ATG7: variants seen among roughly 807,000 people sequenced by gnomAD.
ATG7 encodes the protein autophagy related 7.
A neutral mutation model predicts 82.4 loss-of-function variants in ATG7; 70 were observed. That is an observed-to-expected ratio of 0.85 (90% CI 0.70 to 1.04). ATG7 has a LOEUF of 1.04. Ranked by LOEUF, ATG7 falls within the 50% of genes least tolerant of loss-of-function variation. ATG7 has a pLI of 0.00. For synonymous variants in ATG7, 287 were observed against 313.0 expected, an observed-to-expected ratio of 0.92 and a Z score of 0.88; for missense variants, 792 against 864.3, an observed-to-expected ratio of 0.92 and a Z score of 1.05.
chr3:11,483,109 A>G (rs1207431873), intron 20 of ATG7, among the ~76,000 whole-genome samples: 3 of 152,178 alleles, frequency 2.0e-5, no homozygotes, highest in Non-Finnish European at 4.4e-5. Flanking sequence ...GGCAAAAAGA[A>G]ACCAAAGTAG....
intron 19 of ATG7, among the ~76,000 whole-genome samples, chr3:11,382,972 G>A (rs1415554175): frequency 6.6e-6 from 1 of 152,076 alleles, no homozygotes; most frequent in Admixed American, 6.5e-5. Flanking sequence ...AATTTTGAGA[G>A]TAAGTTGGAG....
chr3:11,533,500 C>A (rs2092730494), intron 20 of ATG7, among the ~76,000 whole-genome samples: 1 of 146,702 alleles, frequency 6.8e-6, no homozygotes, highest in African/African-American at 2.5e-5. Flanking sequence ...TTGTCTTCTC[C>A]AGGTAGTTTG....
intron 20 of ATG7, among the ~76,000 whole-genome samples, chr3:11,480,008 A>C (rs971015979): frequency 6.6e-6 from 1 of 151,928 alleles, no homozygotes; most frequent in Non-Finnish European, 1.5e-5. Context: ...GCTTACTGCA[A>C]GTCCCGTCTC....
chr3:11,284,817 T>TA (rs1351139551), intron 3 of ATG7, among the ~76,000 whole-genome samples: 1 of 150,848 alleles, frequency 6.6e-6, no homozygotes, highest in East Asian at 1.9e-4. Flanking sequence ...CCCAAAGTGC[T>TA]AGGATTACAA....
At chr3:11,500,001 T>C (rs2091200380) in intron 20 of ATG7, among the ~76,000 whole-genome samples, 1 of 152,020 alleles carries the variant, frequency 6.6e-6, no homozygotes. Context: ...AGTTCAGGAG[T>C]GTTCTGAGTT....
rs557755646 is a variant in ATG7, at chr3:11,422,740, C to CTTTTTT, written c.1957-4040_1957-4035dup. Among the ~76,000 whole-genome samples, 384 of 49,560 alleles carry CTTTTTT rather than the reference C, an allele frequency of 7.7e-3. 101 individuals are homozygous for CTTTTTT. The highest frequency in any genetic ancestry group is 0.023 in the African/African-American group (228 of 9,876). 32.5% of individuals were successfully genotyped at this position (49,560 alleles called of 152,430 possible). A position where few individuals can be genotyped will look rare whatever the true frequency, so the allele number is the denominator to read the frequency against. ...CCTCACTATGCTTAATCATTTCTAG[C>CTTTTTT]TTTTTTTTTTTTTTTTTTTTTTTTT... is the stretch of plus-strand genomic sequence containing the variant. On this transcript the variant is annotated intron_variant, in intron 19 of 20. Transcript: ENST00000693202.
intron 20 of ATG7, among the ~76,000 whole-genome samples, chr3:11,467,065 A>G (rs1368630788): frequency 1.3e-5 from 2 of 152,140 alleles, no homozygotes; most frequent in African/African-American, 2.4e-5. Flanking sequence ...CAGAGGTTGC[A>G]GTGAGCTGAC....
At chr3:11,398,047 G>C (rs559206955) in intron 19 of ATG7, among the ~76,000 whole-genome samples, 320 of 150,262 alleles carry the variant, frequency 2.1e-3, no homozygotes, top group African/African-American at 7.2e-3. Flanking sequence ...TCACACCACT[G>C]CACTCCAGCC....
At chr3:11,435,960 T>A (rs2152958613) in intron 20 of ATG7, among the ~76,000 whole-genome samples, 1 of 152,142 alleles carries the variant, frequency 6.6e-6, no homozygotes, top group Non-Finnish European at 1.5e-5. Context: ...CTAAGCTGGG[T>A]GTGGTGGCAT....
chr3:11,385,016 T>TTTTGTTTGTTTG (rs144742151), intron 19 of ATG7, among the ~76,000 whole-genome samples: 7 of 151,678 alleles, frequency 4.6e-5, no homozygotes, highest in South Asian at 4.2e-4. Flanking sequence ...TAAATAGTGT[T>TTTTGTTTGTTTG]TTTGTTTGTT....
intron 3 of ATG7, among the ~76,000 whole-genome samples, chr3:11,294,132 G>T (rs1004778503): frequency 6.6e-6 from 1 of 152,128 alleles, no homozygotes; most frequent in African/African-American, 2.4e-5. Flanking sequence ...CATTGTAGAG[G>T]AAAAGAGGGA....
intron 20 of ATG7, among the ~76,000 whole-genome samples, chr3:11,474,547 C>T (rs925168119): frequency 6.6e-6 from 1 of 152,142 alleles, no homozygotes; most frequent in Non-Finnish European, 1.5e-5. Flanking sequence ...TTGCAGTGAG[C>T]CAAGATCATA....
chr3:11,554,889 G>A lies in ATG7; in HGVS notation c.*46G>A. The A allele has an allele frequency of 6.2e-7, 1 of 1,604,018 alleles. No individual in the cohort carries two copies. Among genetic ancestry groups the A allele is most frequent in the Non-Finnish European group, 8.5e-7 (1 of 1,176,458 alleles). Reference sequence around the variant, plus strand: ...GACTTCTCCCCGGCCGCCTGCTGAGGAGCTCTCCATCGCCAGAGCAGGACT... The same window carrying A: ...GACTTCTCCCCGGCCGCCTGCTGAGAAGCTCTCCATCGCCAGAGCAGGACT... On this transcript the variant is annotated 3_prime_UTR_variant, in exon 21 of 21. Coordinates refer to ENST00000693202, the MANE Select transcript of ATG7 (RefSeq NM_001349232.2).
intron 3 of ATG7, among the ~76,000 whole-genome samples, chr3:11,289,397 C>T (rs1944592506): frequency 6.6e-6 from 1 of 152,140 alleles, no homozygotes; most frequent in South Asian, 2.1e-4. Context: ...ATACCTTTAC[C>T]ATAGATTGTC....
At chr3:11,451,870 T>TACACACACACACACAG (rs754083583) in intron 20 of ATG7, among the ~76,000 whole-genome samples, 9 of 141,750 alleles carry the variant, frequency 6.3e-5, no homozygotes, top group Admixed American at 1.5e-4. Flanking sequence ...CGCCTTTACA[T>TACACACACACACACAG]ACACACACAC....
intron 19 of ATG7, among the ~76,000 whole-genome samples, chr3:11,385,679 G>A (rs895079377): frequency 6.6e-6 from 1 of 152,218 alleles, no homozygotes; most frequent in Admixed American, 6.5e-5. Context: ...ACTAGGGAAG[G>A]CCTTGCAGAG....
chr3:11,457,092 G>A (rs772721666), intron 20 of ATG7, among the ~76,000 whole-genome samples: 1 of 152,164 alleles, frequency 6.6e-6, no homozygotes, highest in Non-Finnish European at 1.5e-5. Context: ...AGTAGAAGCC[G>A]TTAAAAGGAA....
chr3:11,465,337 C>T (rs566000322), intron 20 of ATG7, among the ~76,000 whole-genome samples: 6 of 151,210 alleles, frequency 4.0e-5, no homozygotes, highest in South Asian at 2.1e-4. Flanking sequence ...CCCAGCTACT[C>T]GGGAGGCTGA....
At chr3:11,509,599 AT>A (rs2091938979) in intron 20 of ATG7, among the ~76,000 whole-genome samples, 1 of 152,016 alleles carries the variant, frequency 6.6e-6, no homozygotes, top group East Asian at 1.9e-4. Flanking sequence ...AGTGATTTTT[AT>A]TTAGTCTCAG....
Sources: allele counts gnomAD v4.1 joint callset (sites outside exome capture counted in the v4.1 genomes callset), GRCh38; gene constraint gnomAD v4.1.1; transcripts MANE v1.5; gene names NCBI Gene and HGNC (gene_info 2026-07-23, HGNC 2026-07-21).